Variants in SCAPER observed in about 807,000 individuals in gnomAD.
SCAPER encodes S phase cyclin A-associated protein in the endoplasmic reticulum.
In SCAPER, 98 loss-of-function variants were observed where a neutral mutation model predicts 182.2. The ratio of observed to expected loss-of-function variants is 0.54; its 90% CI spans 0.46 to 0.64. The LOEUF (loss-of-function observed/expected upper bound fraction) is 0.64, where lower values mean the gene tolerates loss of function less well. Ranked by LOEUF, SCAPER falls within the 30% of genes least tolerant of loss-of-function variation. SCAPER has a pLI of 0.00. For missense variants in SCAPER, 1,432 were observed against 1,690.0 expected (o/e 0.85, Z 2.68); for synonymous variants, 605 against 564.6 (o/e 1.07, Z -1.01).
chr15:76,554,255 C>T (rs1304627612), intron 23 of SCAPER, among the ~76,000 whole-genome samples: 1 of 152,026 alleles, frequency 6.6e-6, no homozygotes, highest in African/African-American at 2.4e-5. Flanking sequence ...GACTGGTTCT[C>T]CAAAATAACT....
intron 15 of SCAPER, among the ~76,000 whole-genome samples, chr15:76,744,973 T>C (rs1220042506): frequency 6.6e-6 from 1 of 151,988 alleles, no homozygotes; most frequent in Non-Finnish European, 1.5e-5. Context: ...AAAAGAAGAA[T>C]GAAATTGTAT....
intron 8 of SCAPER, among the ~76,000 whole-genome samples, chr15:76,788,801 A>G (rs1258835636): frequency 6.6e-6 from 1 of 152,194 alleles, no homozygotes; most frequent in Non-Finnish European, 1.5e-5. Context: ...CCATGTTCCA[A>G]TAATCCAGCT....
intron 15 of SCAPER, among the ~76,000 whole-genome samples, chr15:76,743,159 T>C (rs576195355): frequency 1.5e-4 from 23 of 152,132 alleles, no homozygotes; most frequent in Non-Finnish European, 2.8e-4. Flanking sequence ...AGTCCAAGTT[T>C]ATCTAACTCA....
intron 23 of SCAPER, among the ~76,000 whole-genome samples, chr15:76,508,802 C>A (rs1567305153): frequency 6.6e-6 from 1 of 152,296 alleles, no homozygotes; most frequent in East Asian, 1.9e-4. Context: ...TTCTATCACT[C>A]CAGAAAGTTC....
chr15:76,694,832 T>C (rs2058567579), intron 20 of SCAPER, among the ~76,000 whole-genome samples: 1 of 152,090 alleles, frequency 6.6e-6, no homozygotes, highest in Admixed American at 6.5e-5. Flanking sequence ...CATGACCAAA[T>C]TGTTAAATAT....
chr15:76,705,895 A>G lies in SCAPER; in HGVS notation c.2247+8T>C. 1 of 1,535,238 alleles carries G rather than the reference A, an allele frequency of 6.5e-7. No individual in the cohort carries two copies. The highest frequency in any genetic ancestry group is 8.8e-7 in the Non-Finnish European group (1 of 1,142,024). ...AAATTTCAAATTAAAAATATATAAT[A>G]TCCTTACCTTGAGCTGAATTTTTTT... On this transcript the variant is annotated splice_region_variant and intron_variant, in intron 18 of 31. Coordinates refer to ENST00000563290, the MANE Select transcript of SCAPER (RefSeq NM_020843.4).
intron 2 of SCAPER, among the ~76,000 whole-genome samples, chr15:76,863,089 T>C (rs183213514): frequency 6.6e-6 from 1 of 152,300 alleles, no homozygotes; most frequent in East Asian, 1.9e-4. Context: ...AGAACATACG[T>C]AATTTCTTGC....
chr15:76,380,268 C>T (rs936306822), intron 28 of SCAPER: 7 of 152,110 alleles, frequency 4.6e-5, no homozygotes, highest in South Asian at 2.1e-4. Flanking sequence ...CAGAACTCTA[C>T]GTATTGTGCA....
intron 23 of SCAPER, among the ~76,000 whole-genome samples, chr15:76,526,025 T>C (rs2043171536): frequency 6.6e-6 from 1 of 152,164 alleles, no homozygotes; most frequent in African/African-American, 2.4e-5. Flanking sequence ...GCATCTGTGG[T>C]TTTTTGACTT....
chr15:76,874,227 G>T (rs1013417512), intron 2 of SCAPER, among the ~76,000 whole-genome samples: 21 of 151,764 alleles, frequency 1.4e-4, no homozygotes, highest in African/African-American at 5.1e-4. Context: ...TGGGGATCAA[G>T]GAAAAAATCA....
chr15:76,525,026 G>A (rs1439224165), intron 23 of SCAPER, among the ~76,000 whole-genome samples: 1 of 151,944 alleles, frequency 6.6e-6, no homozygotes, highest in African/African-American at 2.4e-5. Flanking sequence ...CTTTGTCTGG[G>A]TGCCTATTTT....
At chr15:76,514,573 G>A (rs1404982578) in intron 23 of SCAPER, among the ~76,000 whole-genome samples, 1 of 152,208 alleles carries the variant, frequency 6.6e-6, no homozygotes, top group Non-Finnish European at 1.5e-5. Flanking sequence ...AGGGAGGAAG[G>A]CCTTCAAAGC....
intron 29 of SCAPER, among the ~76,000 whole-genome samples, chr15:76,372,614 C>T (rs113234551): frequency 1.3e-5 from 2 of 152,266 alleles, no homozygotes; most frequent in African/African-American, 4.8e-5. Context: ...TTTAAACCAT[C>T]CTTAATATGA....
chr15:76,639,428 G>A (rs1176985153), intron 21 of SCAPER, among the ~76,000 whole-genome samples: 1 of 152,182 alleles, frequency 6.6e-6, no homozygotes, highest in Non-Finnish European at 1.5e-5. Flanking sequence ...CCCCTCCAAA[G>A]CCAAGGCTTG....
chr15:76,590,341 GA>G (rs1291009184), intron 22 of SCAPER, among the ~76,000 whole-genome samples: 1 of 152,170 alleles, frequency 6.6e-6, no homozygotes, highest in Non-Finnish European at 1.5e-5. Flanking sequence ...TGAAAACATG[GA>G]AAATGTATTT....
At chr15:76,586,520 T>G (rs1342905735) in intron 22 of SCAPER, 1 of 152,648 alleles carries the variant, frequency 6.6e-6, no homozygotes, top group African/African-American at 2.4e-5. Context: ...GCTACTGAGT[T>G]GGGCATTCTT....
At position 76,873,319 on chromosome 15, in the gene SCAPER, AAGGAAGGAAGGAAGGCAGGCAGGCAGGC is replaced by A. The variant is rs1218655844; in HGVS notation, c.6+10465_6+10492del. On this transcript the variant is annotated intron_variant, in intron 2 of 31. Coordinates refer to ENST00000563290, the MANE Select transcript of SCAPER (RefSeq NM_020843.4). ...GAAGGAAGGAAGGAAGGAAGGAAGG[AAGGAAGGAAGGAAGGCAGGCAGGCAGGC>A]AGGCAGGCAGGCAGGCAGGCAGGCA... 3.8e-3 allele frequency among the ~76,000 whole-genome samples: 491 copies of A among 127,580 alleles called. 3 individuals carry two copies. The highest frequency in any genetic ancestry group is 0.013 in the African/African-American group (427 of 32,938). The allele number at this position is 127,580 out of a possible 152,430, so 83.7% of individuals were successfully genotyped here. A position where few individuals can be genotyped will look rare whatever the true frequency, so the allele number is the denominator to read the frequency against.
chr15:76,712,728 T>G (rs866940201), intron 17 of SCAPER, among the ~76,000 whole-genome samples: 115 of 151,788 alleles, frequency 7.6e-4, no homozygotes, highest in Middle Eastern at 3.4e-3. Flanking sequence ...CTCATGATTT[T>G]GCTCTCTGTT....
chr15:76,444,933 GATT>G lies in SCAPER; in HGVS notation c.3079-10626_3079-10624del, dbSNP rs1342335546. 3.9e-5 allele frequency among the ~76,000 whole-genome samples: 6 copies of G among 152,072 alleles called. No individual in the cohort carries two copies. In the East Asian group the frequency reaches 9.6e-4, roughly 24 times the overall value. ...ACATTCATTGACTTTTAAAATTTTG[GATT>G]ATTATAGTTTTCAATTATAGCATTT... On this transcript the variant is annotated intron_variant, in intron 25 of 31. Coordinates refer to ENST00000563290, the MANE Select transcript of SCAPER (RefSeq NM_020843.4).
Sources: allele counts gnomAD v4.1 joint callset (sites outside exome capture counted in the v4.1 genomes callset), GRCh38; gene constraint gnomAD v4.1.1; transcripts MANE v1.5; gene names NCBI Gene and HGNC (gene_info 2026-07-23, HGNC 2026-07-21).